Variants in CLDN14 observed in about 807,000 individuals in gnomAD.
CLDN14 encodes claudin 14.
A neutral mutation model predicts 2.1 loss-of-function variants in CLDN14; 2 were observed. That is an observed-to-expected ratio of 0.96 (90% CI 0.39 to 3.01). The LOEUF is 3.01. Ranked by LOEUF, CLDN14 falls within the 30% of genes most tolerant of loss-of-function variation. CLDN14 has a pLI of 0.09. For synonymous variants in CLDN14, 136 were observed against 154.4 expected, an observed-to-expected ratio of 0.88 and a Z score of 0.88; for missense variants, 298 against 328.0, an observed-to-expected ratio of 0.91 and a Z score of 0.71.
intron 1 of CLDN14, among the ~76,000 whole-genome samples, chr21:36,528,070 T>C (rs1459211643): frequency 6.6e-6 from 1 of 152,232 alleles, no homozygotes; most frequent in Non-Finnish European, 1.5e-5. Flanking sequence ...TTCTCTTCAA[T>C]ATTTGGTACA....
rs566615675 is a variant in CLDN14, at chr21:36,561,873, G to T, written c.-220+14538C>A. Among the ~76,000 whole-genome samples, 5 of 152,166 alleles carry T rather than the reference G, an allele frequency of 3.3e-5. No homozygotes were observed. The South Asian group carries it at 1.0e-3, about 32-fold the overall frequency. Reference sequence around the variant, plus strand: ...TTCTGGATACAAACCTCTATGGTTTGGTCCTTCAAGCCTGGCTCTTGGTAT... The same window carrying T: ...TTCTGGATACAAACCTCTATGGTTTTGTCCTTCAAGCCTGGCTCTTGGTAT... On this transcript the variant is annotated intron_variant, in intron 1 of 2. Coordinates refer to the CLDN14 transcript ENST00000342108.
intron 1 of CLDN14, among the ~76,000 whole-genome samples, chr21:36,555,045 C>T (rs2146519917): frequency 6.6e-6 from 1 of 152,374 alleles, no homozygotes; most frequent in Admixed American, 6.5e-5. Context: ...CTGAAATGCC[C>T]CTGGGCTAAC....
chr21:36,546,600 C>CT (rs1221349554), intron 1 of CLDN14, among the ~76,000 whole-genome samples: 2 of 152,102 alleles, frequency 1.3e-5, no homozygotes, highest in Admixed American at 6.5e-5. Context: ...AAGCACTTAC[C>CT]TTTTTTATTA....
At chr21:36,524,634 C>T (rs73902568) in intron 1 of CLDN14, among the ~76,000 whole-genome samples, 2,685 of 152,288 alleles carry the variant, frequency 0.018, 80 homozygotes, top group African/African-American at 0.061. Context: ...CAGGCAGGAT[C>T]GTATACCTAC....
chr21:36,558,590 A>G (rs1402775596), intron 1 of CLDN14, among the ~76,000 whole-genome samples: 1 of 152,200 alleles, frequency 6.6e-6, no homozygotes, highest in African/African-American at 2.4e-5. Context: ...CTGTAGGCAG[A>G]GCAGCCTATT....
chr21:36,531,128 C>T (rs747441145), intron 1 of CLDN14, among the ~76,000 whole-genome samples: 4 of 151,520 alleles, frequency 2.6e-5, no homozygotes, highest in East Asian at 3.9e-4. Context: ...CTCAGGAGGC[C>T]GAGGCAGGAG....
intron 1 of CLDN14, among the ~76,000 whole-genome samples, chr21:36,514,649 G>A (rs1457059066): frequency 1.3e-5 from 2 of 149,708 alleles, no homozygotes; most frequent in African/African-American, 5.0e-5. Flanking sequence ...GTGTGTGTGT[G>A]TGTGTGTGTG....
chr21:36,474,038 T>C (rs1470020253), intron 1 of CLDN14, among the ~76,000 whole-genome samples: 1 of 151,926 alleles, frequency 6.6e-6, no homozygotes, highest in South Asian at 2.1e-4. Flanking sequence ...CAAGAGAGAA[T>C]AGGGACAGAG....
chr21:36,509,688 C>T (rs943443774), intron 2 of CLDN14, among the ~76,000 whole-genome samples: 21 of 152,142 alleles, frequency 1.4e-4, no homozygotes, highest in African/African-American at 4.1e-4. Context: ...CTCCGCCTCC[C>T]GGCTTCAAGT....
intron 1 of CLDN14, among the ~76,000 whole-genome samples, chr21:36,547,071 T>A (rs964192232): frequency 6.6e-6 from 1 of 152,228 alleles, no homozygotes; most frequent in African/African-American, 2.4e-5. Flanking sequence ...GTGCTGAGGT[T>A]GTGCACTAAA....
chr21:36,492,695 C>G (rs2086980466), intron 2 of CLDN14, among the ~76,000 whole-genome samples: 1 of 151,898 alleles, frequency 6.6e-6, no homozygotes, highest in African/African-American at 2.4e-5. Flanking sequence ...GCTGTCCTTA[C>G]AAAAAAAGGA....
At chr21:36,545,597 AT>A (rs574031303) in intron 1 of CLDN14, among the ~76,000 whole-genome samples, 2 of 151,960 alleles carry the variant, frequency 1.3e-5, no homozygotes, top group Non-Finnish European at 2.9e-5. Flanking sequence ...TTCAAGCCTC[AT>A]TTTTTTTCCT....
At chr21:36,492,550 G>C (rs2086979051) in intron 2 of CLDN14, among the ~76,000 whole-genome samples, 1 of 151,828 alleles carries the variant, frequency 6.6e-6, no homozygotes, top group African/African-American at 2.4e-5. Context: ...GATCTCTTGA[G>C]CCCGGGAGGT....
chr21:36,560,820 C>CTAGG (rs10683033), intron 1 of CLDN14, among the ~76,000 whole-genome samples: 127,072 of 151,720 alleles, frequency 0.84, 53,668 homozygotes, highest in Non-Finnish European at 0.9. Flanking sequence ...TCCCTATCCA[C>CTAGG]TAGAAGAGAA....
chr21:36,488,263 T>TTCCTTCCTTCCTTCCTTCCC, intron 2 of CLDN14, among the ~76,000 whole-genome samples: 1 of 148,550 alleles, frequency 6.7e-6, no homozygotes, highest in Admixed American at 6.7e-5. Context: ...CCTTCCTTCC[T>TTCCTTCCTTCCTTCCTTCCC]TCCTTCCTTC....
intron 1 of CLDN14, among the ~76,000 whole-genome samples, chr21:36,538,301 A>G (rs1288371794): frequency 6.6e-6 from 1 of 152,158 alleles, no homozygotes; most frequent in Non-Finnish European, 1.5e-5. Flanking sequence ...TTAGCAAGAA[A>G]AAGGAAAACA....
intron 1 of CLDN14, among the ~76,000 whole-genome samples, chr21:36,537,989 A>G (rs982381970): frequency 6.7e-6 from 1 of 149,074 alleles, no homozygotes; most frequent in Non-Finnish European, 1.5e-5. Context: ...TCAAAACAAA[A>G]TGTGTGTGTG....
At chr21:36,482,686 G>A (rs1036537137), upstream of CLDN14, among the ~76,000 whole-genome samples, 1 of 152,186 alleles carries the variant, frequency 6.6e-6, no homozygotes, top group African/African-American at 2.4e-5. Context: ...GACAACTTGA[G>A]TCTGAAGTTA....
chr21:36,552,498 G>T (rs142909313), intron 1 of CLDN14, among the ~76,000 whole-genome samples: 1 of 152,130 alleles, frequency 6.6e-6, no homozygotes, highest in African/African-American at 2.4e-5. Flanking sequence ...TCCTAAAAGG[G>T]TCACTAATGA....
Sources: allele counts gnomAD v4.1 joint callset (sites outside exome capture counted in the v4.1 genomes callset), GRCh38; gene constraint gnomAD v4.1.1; transcripts MANE v1.5; gene names NCBI Gene and HGNC (gene_info 2026-07-23, HGNC 2026-07-21).